Variants in DPP6 observed in about 807,000 individuals in gnomAD.
DPP6 encodes A-type potassium channel modulatory protein DPP6.
In DPP6, 69 loss-of-function variants were observed where a neutral mutation model predicts 122.6. That is an observed-to-expected ratio of 0.56 (90% CI 0.46 to 0.69). The LOEUF (loss-of-function observed/expected upper bound fraction) is 0.69, where lower values mean the gene tolerates loss of function less well. Among genes scored for constraint, DPP6 ranks in the 30% least tolerant of loss-of-function variants. The pLI is 0.00. For missense variants in DPP6, 928 were observed against 1,116.9 expected (o/e 0.83, Z 2.41); for synonymous variants, 418 against 433.1 (o/e 0.97, Z 0.43).
intron 1 of DPP6, among the ~76,000 whole-genome samples, chr7:153,912,337 A>T (rs182594446): frequency 6.6e-6 from 1 of 152,218 alleles, no homozygotes; most frequent in Admixed American, 6.5e-5. Context: ...GCCTGACATC[A>T]GCTGAGAGGG....
At chr7:153,921,619 G>A (rs1243348015) in intron 1 of DPP6, among the ~76,000 whole-genome samples, 1 of 152,228 alleles carries the variant, frequency 6.6e-6, no homozygotes, top group Non-Finnish European at 1.5e-5. Flanking sequence ...ATTGTTCACA[G>A]CCTAAATATA....
Position 153,911,854 on chromosome 7 carries a change from C to T in DPP6, c.51+24120C>T, listed in dbSNP as rs11975674. Among the ~76,000 whole-genome samples the T allele has an allele frequency of 5.1e-3, 774 of 151,894 alleles. 9 individuals are homozygous for T. Among genetic ancestry groups the T allele is most frequent in the African/African-American group, 0.017 (716 of 41,498 alleles). On this transcript the variant is annotated intron_variant, in intron 1 of 25. Coordinates refer to the DPP6 transcript ENST00000404039. ...GTCCTGTTACATCTTTTTCTTTTTG[C>T]GGAAGGCACCAGTTTAGCATAGTTT...
chr7:153,964,539 T>C (rs1270819099), intron 1 of DPP6, among the ~76,000 whole-genome samples: 2 of 152,074 alleles, frequency 1.3e-5, no homozygotes, highest in Admixed American at 6.5e-5. Context: ...GAGGCCTGGC[T>C]CCAAACCCCA....
intron 1 of DPP6, among the ~76,000 whole-genome samples, chr7:154,356,748 T>C (rs888995698): frequency 5.9e-5 from 9 of 152,180 alleles, no homozygotes; most frequent in Non-Finnish European, 8.8e-5. Flanking sequence ...TTCCTGCAAA[T>C]GTTTCTGTAC....
chr7:153,921,756 G>A (rs975172956), intron 1 of DPP6, among the ~76,000 whole-genome samples: 4 of 152,222 alleles, frequency 2.6e-5, no homozygotes, highest in Admixed American at 2.6e-4. Flanking sequence ...TGCTGGATTA[G>A]GACACATCAC....
chr7:154,177,328 A>G (rs1797855357), intron 1 of DPP6, among the ~76,000 whole-genome samples: 1 of 152,186 alleles, frequency 6.6e-6, no homozygotes. Context: ...CCAATGAGAT[A>G]TGGTAAAAAA....
At chr7:154,629,026 A>C (rs890868755) in intron 5 of DPP6, among the ~76,000 whole-genome samples, 1 of 152,162 alleles carries the variant, frequency 6.6e-6, no homozygotes. Flanking sequence ...TTATCAGAGT[A>C]AAAAAAGGAA....
At chr7:154,279,881 A>G (rs1342312786) in intron 1 of DPP6, among the ~76,000 whole-genome samples, 1 of 152,214 alleles carries the variant, frequency 6.6e-6, no homozygotes, top group Non-Finnish European at 1.5e-5. Flanking sequence ...GAAAAATTCC[A>G]AAACCTCTGG....
chr7:154,598,369 T>C (rs1833226959), intron 5 of DPP6, among the ~76,000 whole-genome samples: 1 of 152,212 alleles, frequency 6.6e-6, no homozygotes, highest in African/African-American at 2.4e-5. Flanking sequence ...ATGTAAACTA[T>C]GCCGAGCAAA....
chr7:154,381,976 G>A (rs1041562353), intron 1 of DPP6, among the ~76,000 whole-genome samples: 14 of 152,192 alleles, frequency 9.2e-5, no homozygotes, highest in African/African-American at 3.4e-4. Context: ...AGGTAAATCT[G>A]GAGGACAGCT....
intron 1 of DPP6, among the ~76,000 whole-genome samples, chr7:154,330,389 G>A (rs1239496936): frequency 6.6e-6 from 1 of 152,170 alleles, no homozygotes; most frequent in Non-Finnish European, 1.5e-5. Context: ...GCCGAGAGTG[G>A]CAGGGATGAG....
chr7:154,051,566 G>A (rs188551913), upstream of DPP6, among the ~76,000 whole-genome samples: 812 of 145,598 alleles, frequency 5.6e-3, 4 homozygotes, highest in Non-Finnish European at 8.0e-3. Context: ...AGGCAAGCCC[G>A]AGAGCGCGCG....
chr7:154,094,182 G>A (rs1460843769), intron 1 of DPP6: 3 of 152,158 alleles, frequency 2.0e-5, no homozygotes, highest in Admixed American at 6.5e-5. Context: ...TAATAGATGC[G>A]AGATCATCCT....
At chr7:154,123,096 C>T (rs554106697) in intron 1 of DPP6, among the ~76,000 whole-genome samples, 1 of 152,292 alleles carries the variant, frequency 6.6e-6, no homozygotes, top group Admixed American at 6.5e-5. Context: ...TTATTTATAA[C>T]AGGGGAAAAT....
At chr7:153,898,304 A>G (rs1464568464) in intron 1 of DPP6, among the ~76,000 whole-genome samples, 3 of 152,032 alleles carry the variant, frequency 2.0e-5, no homozygotes, top group African/African-American at 7.2e-5. Flanking sequence ...AATTTAAAAT[A>G]TGCCAGGCTT....
At chr7:154,061,333 C>G (rs1801837971) in intron 1 of DPP6, among the ~76,000 whole-genome samples, 1 of 148,154 alleles carries the variant, frequency 6.7e-6, no homozygotes, top group East Asian at 1.9e-4. Flanking sequence ...CCCGATCTGA[C>G]AAAGCCTTTT....
chr7:154,599,463 A>G (rs1044750845), intron 5 of DPP6, among the ~76,000 whole-genome samples: 1 of 151,748 alleles, frequency 6.6e-6, no homozygotes, highest in Non-Finnish European at 1.5e-5. Context: ...TTTCTTTCTC[A>G]GTCAGTTCTC....
At chr7:154,032,866 C>G (rs1001576370) in intron 1 of DPP6, among the ~76,000 whole-genome samples, 36 of 148,034 alleles carry the variant, frequency 2.4e-4, no homozygotes, top group Non-Finnish European at 4.7e-4. Context: ...CCCATCCCCC[C>G]CTACCCCCTT....
At chr7:153,765,533 A>G in the DPP6 span, among the ~76,000 whole-genome samples, 1 of 145,124 alleles carries the variant, frequency 6.9e-6, no homozygotes, top group Non-Finnish European at 1.5e-5. Context: ...GAAGAGCAAA[A>G]CTTCATGTAA....
Sources: gnomAD v4.1 joint callset for allele counts (sites outside exome capture counted in the v4.1 genomes callset) on GRCh38, gnomAD v4.1.1 for gene constraint, MANE v1.5 for transcripts, NCBI Gene and HGNC (gene_info 2026-07-23, HGNC 2026-07-21) for gene names.